The following DPF3 variants were observed in gnomAD, a reference collection of about 807,000 sequenced individuals.
The protein encoded by DPF3 is zinc finger protein DPF3.
In DPF3, 18 loss-of-function variants were observed where a neutral mutation model predicts 56.8. The ratio of observed to expected loss-of-function variants is 0.32; its 90% CI spans 0.22 to 0.47. DPF3 has a LOEUF of 0.47. Ranked by LOEUF, DPF3 falls within the 20% of genes least tolerant of loss-of-function variation. The pLI is 1.00. For synonymous variants in DPF3, 188 were observed against 180.2 expected, an observed-to-expected ratio of 1.04 and a Z score of -0.35; for missense variants, 403 against 488.8, an observed-to-expected ratio of 0.82 and a Z score of 1.65.
intron 8 of DPF3, among the ~76,000 whole-genome samples, chr14:72,663,757 A>T (rs1413605504): frequency 6.6e-6 from 1 of 152,152 alleles, no homozygotes; most frequent in African/African-American, 2.4e-5. Flanking sequence ...AAGAGGGAGA[A>T]TGGGCCTAAA....
At chr14:72,791,296 G>A (rs1461078347) in intron 1 of DPF3, among the ~76,000 whole-genome samples, 3 of 152,234 alleles carry the variant, frequency 2.0e-5, no homozygotes, top group African/African-American at 7.2e-5. Context: ...CATGGCCTCT[G>A]CCCCTCCCCC....
At position 72,731,201 on chromosome 14, in the gene DPF3, C is replaced by T. The variant is rs146963431; in HGVS notation, c.429+606G>A. ...AAAGAAAAAGAAAAAGAAAAAGAAACGGTAGGTGTGCACCCTTATAATCCT... is the reference window on the plus strand; with the variant it reads ...AAAGAAAAAGAAAAAGAAAAAGAAATGGTAGGTGTGCACCCTTATAATCCT... On this transcript the variant is annotated intron_variant, in intron 4 of 10. Transcript: ENST00000556509. Among the ~76,000 whole-genome samples, 89 of 151,052 alleles carry T rather than the reference C, an allele frequency of 5.9e-4. No homozygotes were observed. In the East Asian group the frequency reaches 0.014, roughly 24 times the overall value.
chr14:72,870,327 G>A (rs1885846689), intron 1 of DPF3, among the ~76,000 whole-genome samples: 1 of 152,218 alleles, frequency 6.6e-6, no homozygotes, highest in Non-Finnish European at 1.5e-5. Flanking sequence ...TCTTCTAGCT[G>A]TGGAAAGGGC....
chr14:72,879,983 C>T, intron 1 of DPF3: 4 of 1,459,880 alleles, frequency 2.7e-6, no homozygotes, highest in Non-Finnish European at 3.6e-6. Context: ...AAGAAACACC[C>T]ATCAAGACTG....
chr14:72,685,565 A>G (rs1887372517), intron 7 of DPF3, among the ~76,000 whole-genome samples: 2 of 152,200 alleles, frequency 1.3e-5, no homozygotes, highest in Non-Finnish European at 2.9e-5. Context: ...AACTCTCCCA[A>G]TAAGTGGTAC....
At chr14:72,739,207 G>A (rs138822019) in intron 3 of DPF3, among the ~76,000 whole-genome samples, 4,338 of 150,798 alleles carry the variant, frequency 0.029, 84 homozygotes, top group Non-Finnish European at 0.04. Context: ...ATGCCACTGC[G>A]CTCCAGCCTA....
At chr14:72,652,471 G>A (rs77563045) in intron 8 of DPF3, among the ~76,000 whole-genome samples, 3,238 of 152,226 alleles carry the variant, frequency 0.021, 63 homozygotes, top group African/African-American at 0.045. Context: ...GGGGGGAGGC[G>A]GGGTAAGCTG....
At chr14:72,813,621 G>A (rs1477642605) in intron 1 of DPF3, among the ~76,000 whole-genome samples, 2 of 152,242 alleles carry the variant, frequency 1.3e-5, no homozygotes, top group Non-Finnish European at 2.9e-5. Context: ...TCAGAGCAGT[G>A]AGAGATAGTG....
intron 1 of DPF3, among the ~76,000 whole-genome samples, chr14:72,860,170 A>G (rs904849633): frequency 1.4e-5 from 2 of 141,028 alleles, no homozygotes; most frequent in Non-Finnish European, 3.2e-5. Flanking sequence ...TATTTTTATT[A>G]ACATCTTTTG....
intron 1 of DPF3, among the ~76,000 whole-genome samples, chr14:72,828,541 A>AAAAAAAAAAAAAAAAAAAAC (rs1555511090): frequency 6.6e-6 from 1 of 151,094 alleles, no homozygotes; most frequent in Non-Finnish European, 1.5e-5. Flanking sequence ...ATGTCTTAAA[A>AAAAAAAAAAAAAAAAAAAAC]AAAAAAAAAA....
Position 72,768,428 on chromosome 14 carries a change from T to A in DPF3, c.193+3305A>T, listed in dbSNP as rs188397894. Among the ~76,000 whole-genome samples the A allele has an allele frequency of 4.6e-5, 7 of 152,284 alleles. No individual in the cohort carries two copies. In the South Asian group the frequency reaches 8.3e-4, roughly 18 times the overall value. ...TAATAGAATAGTTTTGTATCTTGAT[T>A]GTAGAAGTGGTTACACAAATCTAGA... On this transcript the variant is annotated intron_variant, in intron 2 of 10. Transcript: ENST00000556509.
chr14:72,702,664 C>A (rs1888221201), intron 6 of DPF3, among the ~76,000 whole-genome samples: 1 of 152,190 alleles, frequency 6.6e-6, no homozygotes, highest in African/African-American at 2.4e-5. Context: ...ATTCCTACAA[C>A]CAATTCCCCC....
chr14:72,723,793 G>T, intron 4 of DPF3, 65 bp from the exon 5 acceptor site: 1 of 1,431,718 alleles, frequency 7.0e-7, no homozygotes, highest in Non-Finnish European at 9.6e-7. Flanking sequence ...CCATCAGAGA[G>T]TAATTTTAAG....
rs143187771 is a variant in DPF3, at chr14:72,743,880, G to A, written c.301+9384C>T. On this transcript the variant is annotated intron_variant, in intron 3 of 10. Coordinates refer to ENST00000556509, the MANE Select transcript of DPF3 (RefSeq NM_001280542.3). ...CTACATCATGAAACACCTTGCATTCGCCTCTGTGGCCAAGTGCAAGCTGCA... is the reference window on the plus strand; with the variant it reads ...CTACATCATGAAACACCTTGCATTCACCTCTGTGGCCAAGTGCAAGCTGCA... Among the ~76,000 whole-genome samples, 19 of 152,314 alleles carry A rather than the reference G, an allele frequency of 1.2e-4. 1 individual carries two copies. The East Asian group carries it at 2.3e-3, about 19-fold the overall frequency.
intron 8 of DPF3, among the ~76,000 whole-genome samples, chr14:72,640,838 G>A (rs1885538366): frequency 6.6e-6 from 1 of 152,198 alleles, no homozygotes; most frequent in Non-Finnish European, 1.5e-5. Flanking sequence ...TATAAATTTA[G>A]AAATCATCAG....
chr14:72,613,738 T>C lies in DPF3; in HGVS notation c.*5559A>G, dbSNP rs1043289861. On this transcript the variant is annotated 3_prime_UTR_variant, in exon 11 of 11. Transcript: ENST00000556509. The stretch of plus-strand genomic sequence containing the variant: ...TTCTAGAAAACCCATGGTACGGAAC[T>C]GGCAAGCCCGGACCCCTCCTCCTCA... 3.3e-5 allele frequency among the ~76,000 whole-genome samples: 5 copies of C among 152,184 alleles called. No individual in the cohort carries two copies. Among genetic ancestry groups the C allele is most frequent in the Admixed American group, 2.0e-4 (3 of 15,280 alleles).
intron 10 of DPF3, 83 bp downstream of exon 10, chr14:72,619,820 G>T: frequency 7.8e-7 from 1 of 1,286,310 alleles, no homozygotes. Flanking sequence ...TTAGCATAAG[G>T]CCTGTACCAT....
intron 8 of DPF3, among the ~76,000 whole-genome samples, chr14:72,641,491 G>A (rs576655994): frequency 9.3e-4 from 141 of 152,298 alleles, no homozygotes; most frequent in African/African-American, 2.6e-3. Context: ...ACCTTGGATC[G>A]AAGATCTTCA....
chr14:72,865,453 G>A (rs1026752934), intron 1 of DPF3, among the ~76,000 whole-genome samples: 1 of 152,270 alleles, frequency 6.6e-6, no homozygotes, highest in Non-Finnish European at 1.5e-5. Flanking sequence ...CAATGAGGTA[G>A]AGAATGGGGA....
Sources: allele counts gnomAD v4.1 joint callset (sites outside exome capture counted in the v4.1 genomes callset), GRCh38; gene constraint gnomAD v4.1.1; transcripts MANE v1.5; gene names NCBI Gene and HGNC (gene_info 2026-07-23, HGNC 2026-07-21).